Variants in ATP10D observed in about 807,000 individuals in gnomAD.
ATP10D encodes ATPase phospholipid transporting 10D (putative).
A neutral mutation model predicts 144.8 loss-of-function variants in ATP10D; 89 were observed. The ratio of observed to expected loss-of-function variants is 0.61; its 90% CI spans 0.52 to 0.73. The LOEUF (loss-of-function observed/expected upper bound fraction) is 0.73, where lower values mean the gene tolerates loss of function less well. Among genes scored for constraint, ATP10D ranks in the 30% least tolerant of loss-of-function variants. The probability of loss-of-function intolerance (pLI) is 0.00; values close to 1 mark genes in which losing one functional copy is unlikely to be tolerated. For synonymous variants in ATP10D, 571 were observed against 615.1 expected, an observed-to-expected ratio of 0.93 and a Z score of 1.06; for missense variants, 1,603 against 1,714.8, an observed-to-expected ratio of 0.93 and a Z score of 1.15.
At chr4:47,590,975 T>TG in intron 22 of ATP10D, 67 bp from the exon 23 acceptor site, 2 of 1,051,440 alleles carry the variant, frequency 1.9e-6, no homozygotes, top group Admixed American at 6.2e-5. Flanking sequence ...TCGTTAGTAT[T>TG]TGGGGGGGGG....
chr4:47,577,656 A>G (rs1331270126), intron 19 of ATP10D, among the ~76,000 whole-genome samples: 1 of 152,212 alleles, frequency 6.6e-6, no homozygotes, highest in African/African-American at 2.4e-5. Context: ...TCATCGGTCT[A>G]ACTAATCTGA....
chr4:47,491,380 C>A, intron 1 of ATP10D: 1 of 733,664 alleles, frequency 1.4e-6, no homozygotes, highest in Non-Finnish European at 2.5e-6. Flanking sequence ...AGGTATGTGG[C>A]CAAAGGAACA....
At chr4:47,513,696 C>A (rs1716482863) in intron 2 of ATP10D, among the ~76,000 whole-genome samples, 1 of 152,146 alleles carries the variant, frequency 6.6e-6, no homozygotes, top group Non-Finnish European at 1.5e-5. Flanking sequence ...TGCTGAGGAG[C>A]AACAGGAAGT....
intron 2 of ATP10D, among the ~76,000 whole-genome samples, chr4:47,513,977 G>A (rs6827906): frequency 0.31 from 47,523 of 152,102 alleles, 7,704 homozygotes; most frequent in Admixed American, 0.38. Context: ...TGTGGATTTA[G>A]TGTAAGACAT....
At chr4:47,574,218 G>T (rs1720109003) in intron 18 of ATP10D, among the ~76,000 whole-genome samples, 2 of 152,280 alleles carry the variant, frequency 1.3e-5, no homozygotes, top group Admixed American at 6.5e-5. Flanking sequence ...CAACAGTAAA[G>T]AAATACTAGT....
intron 9 of ATP10D, among the ~76,000 whole-genome samples, chr4:47,537,817 T>G (rs1395935322): frequency 1.3e-5 from 2 of 152,194 alleles, no homozygotes; most frequent in Non-Finnish European, 2.9e-5. Flanking sequence ...AAAGCACTTG[T>G]AGTTAACGTC....
At chr4:47,515,181 G>T (rs4695242) in intron 2 of ATP10D, among the ~76,000 whole-genome samples, 1 of 151,636 alleles carries the variant, frequency 6.6e-6, no homozygotes, top group Non-Finnish European at 1.5e-5. Flanking sequence ...GGCTAGTCTC[G>T]AACTCCTGAC....
In ATP10D at chr4:47,558,211, T is replaced by C. The variant is rs1719094590; in HGVS notation, c.2372T>C (p.Val791Ala). ...VVVRHPLSNQ[V>A]VVYTKGADSV... Reference sequence around the variant, plus strand: ...GTCCGACACCCTCTTTCCAATCAAGTTGTGGTGTATACGAAAGGCGCTGAT... The same window carrying C: ...GTCCGACACCCTCTTTCCAATCAAGCTGTGGTGTATACGAAAGGCGCTGAT... Residue 791 changes from valine to alanine, a missense_variant, in exon 12 of 23, where the codon GTT becomes GCT. By Grantham distance (64) the Val-to-Ala change is moderately conservative. Coordinates refer to ENST00000273859, the MANE Select transcript of ATP10D (RefSeq NM_020453.4). 6.2e-7 allele frequency: 1 copy of C among 1,614,158 alleles called. No individual in the cohort carries two copies. The highest frequency in any genetic ancestry group is 1.3e-5 in the African/African-American group (1 of 75,040).
chr4:47,515,410 C>A, intron 2 of ATP10D, 66 bp from the exon 3 acceptor site: 1 of 1,291,878 alleles, frequency 7.7e-7, no homozygotes, highest in Non-Finnish European at 1.1e-6. Context: ...CAATATAGTA[C>A]TTTGCCTCTG....
At chr4:47,582,513 A>G (rs1720569269) in intron 21 of ATP10D, among the ~76,000 whole-genome samples, 2 of 152,186 alleles carry the variant, frequency 1.3e-5, no homozygotes, top group South Asian at 4.1e-4. Context: ...TGTACTTGGA[A>G]TAAAATATGA....
chr4:47,556,741 G>A (rs1399660986), intron 11 of ATP10D: 1 of 151,898 alleles, frequency 6.6e-6, no homozygotes, highest in African/African-American at 2.4e-5. Flanking sequence ...TTATTTTTAG[G>A]GGAAAACTTT....
At chr4:47,579,236 T>C (rs1720387500) in intron 19 of ATP10D, among the ~76,000 whole-genome samples, 1 of 152,210 alleles carries the variant, frequency 6.6e-6, no homozygotes, top group Non-Finnish European at 1.5e-5. Context: ...CTAAGATTTG[T>C]GTAGGAAGCA....
intron 1 of ATP10D, among the ~76,000 whole-genome samples, chr4:47,511,352 A>T (rs1219655185): frequency 6.6e-6 from 1 of 152,076 alleles, no homozygotes; most frequent in Non-Finnish European, 1.5e-5. Context: ...TTCTCTCATG[A>T]TAAGACGGGC....
At chr4:47,560,246 C>G (rs1719222612) in intron 13 of ATP10D, 1 of 152,196 alleles carries the variant, frequency 6.6e-6, no homozygotes, top group African/African-American at 2.4e-5. Context: ...ATGTAGATTT[C>G]TCTTTCTATG....
intron 1 of ATP10D, among the ~76,000 whole-genome samples, chr4:47,498,031 A>T (rs150184149): frequency 6.6e-6 from 1 of 152,240 alleles, no homozygotes; most frequent in East Asian, 1.9e-4. Flanking sequence ...TATATGTCAG[A>T]TGTCTTACGT....
At chr4:47,570,978 C>T (rs1457791015) in intron 16 of ATP10D, among the ~76,000 whole-genome samples, 1 of 152,016 alleles carries the variant, frequency 6.6e-6, no homozygotes. Flanking sequence ...TGTCTGTTTT[C>T]CCTCTGGACT....
intron 1 of ATP10D, among the ~76,000 whole-genome samples, chr4:47,511,486 T>G (rs988900997): frequency 1.3e-5 from 2 of 152,200 alleles, no homozygotes; most frequent in African/African-American, 4.8e-5. Context: ...TGAGAATTGC[T>G]TGAACCCCTT....
At chr4:47,536,083 G>A in intron 7 of ATP10D, 50 bp downstream of exon 7, 1 of 1,563,780 alleles carries the variant, frequency 6.4e-7, no homozygotes, top group East Asian at 2.3e-5. Flanking sequence ...AGATATTAAA[G>A]TATTTTATTT....
At chr4:47,587,337 T>A in intron 22 of ATP10D, 131 bp downstream of exon 22, 1 of 825,284 alleles carries the variant, frequency 1.2e-6, no homozygotes, top group Non-Finnish European at 1.9e-6. Context: ...TGTGTCCTAG[T>A]TAAAATATTG....
Sources: allele counts gnomAD v4.1 joint callset (sites outside exome capture counted in the v4.1 genomes callset), GRCh38; gene constraint gnomAD v4.1.1; transcripts MANE v1.5; gene names NCBI Gene and HGNC (gene_info 2026-07-23, HGNC 2026-07-21).